The following RALYL variants were observed in gnomAD, a reference collection of about 807,000 sequenced individuals.
The protein encoded by RALYL is RNA-binding Raly-like protein.
In RALYL, 29 loss-of-function variants were observed where a neutral mutation model predicts 35.1. That is an observed-to-expected ratio of 0.83 (90% CI 0.61 to 1.13). The LOEUF (loss-of-function observed/expected upper bound fraction) is 1.13, where lower values mean the gene tolerates loss of function less well. Ranked by LOEUF, RALYL falls within the 50% of genes most tolerant of loss-of-function variation. The pLI, the probability that RALYL is intolerant of heterozygous loss-of-function variation, is 0.00. For synonymous variants in RALYL, 120 were observed against 127.6 expected, an observed-to-expected ratio of 0.94 and a Z score of 0.40; for missense variants, 359 against 360.4, an observed-to-expected ratio of 1.00 and a Z score of 0.03.
intron 1 of RALYL, among the ~76,000 whole-genome samples, chr8:84,418,767 C>A (rs562190509): frequency 2.6e-5 from 4 of 151,580 alleles, no homozygotes; most frequent in Non-Finnish European, 5.9e-5. Flanking sequence ...ACATGCAATA[C>A]CATTAGTTTA....
chr8:84,635,288 C>A (rs903184775), intron 2 of RALYL, among the ~76,000 whole-genome samples: 2 of 151,792 alleles, frequency 1.3e-5, no homozygotes, highest in East Asian at 1.9e-4. Flanking sequence ...CAATTATCTT[C>A]TGCTTTACAT....
At chr8:84,664,890 C>A (rs578169370) in intron 2 of RALYL, among the ~76,000 whole-genome samples, 1 of 152,228 alleles carries the variant, frequency 6.6e-6, no homozygotes, top group Non-Finnish European at 1.5e-5. Flanking sequence ...AAGAAGACAT[C>A]CTTGTCTTTT....
At chr8:84,251,152 G>A (rs1830126559) in intron 1 of RALYL, among the ~76,000 whole-genome samples, 1 of 152,076 alleles carries the variant, frequency 6.6e-6, no homozygotes, top group Admixed American at 6.6e-5. Flanking sequence ...AAATGTAGAT[G>A]GGGAAGGCAT....
intron 1 of RALYL, among the ~76,000 whole-genome samples, chr8:84,194,370 C>G (rs1181499067): frequency 6.6e-6 from 1 of 151,622 alleles, no homozygotes; most frequent in Non-Finnish European, 1.5e-5. Context: ...TTTGTGACTT[C>G]TAGGACTTTA....
At chr8:84,819,259 C>T (rs891685959) in intron 4 of RALYL, among the ~76,000 whole-genome samples, 2 of 152,084 alleles carry the variant, frequency 1.3e-5, no homozygotes, top group African/African-American at 4.8e-5. Context: ...GTTTCCACAG[C>T]GCTATTTTTG....
chr8:84,237,496 T>C (rs781347319), intron 1 of RALYL, among the ~76,000 whole-genome samples: 2 of 152,094 alleles, frequency 1.3e-5, no homozygotes, highest in Non-Finnish European at 2.9e-5. Flanking sequence ...CTGAAAATCA[T>C]ATGACTTACC....
chr8:84,620,641 C>T (rs1420919145), intron 2 of RALYL, among the ~76,000 whole-genome samples: 1 of 152,168 alleles, frequency 6.6e-6, no homozygotes, highest in Non-Finnish European at 1.5e-5. Context: ...TGGTGAGGAA[C>T]TGCATTCCTT....
chr8:84,367,328 T>TTTTTTTTTTTTTTG (rs1854616624), intron 1 of RALYL, among the ~76,000 whole-genome samples: 1 of 24,418 alleles, frequency 4.1e-5, no homozygotes, highest in Non-Finnish European at 6.8e-5. Flanking sequence ...ATTTTTTTTT[T>TTTTTTTTTTTTTTG]TTTTTTTTTT....
intron 2 of RALYL, 65 bp from the exon 3 acceptor site, chr8:84,774,514 T>C: frequency 9.7e-7 from 1 of 1,027,572 alleles, no homozygotes; most frequent in Non-Finnish European, 1.5e-6. Context: ...TAAAAGTTCA[T>C]GATTTACTTT....
intron 1 of RALYL, among the ~76,000 whole-genome samples, chr8:84,470,137 T>A (rs931096231): frequency 1.3e-5 from 2 of 152,190 alleles, no homozygotes; most frequent in Admixed American, 1.3e-4. Flanking sequence ...ACAGGAGCTG[T>A]TCCTATTCGG....
chr8:84,816,051 A>T (rs902331637), intron 4 of RALYL, among the ~76,000 whole-genome samples: 3 of 150,872 alleles, frequency 2.0e-5, no homozygotes, highest in African/African-American at 7.3e-5. Context: ...AAAAAAAAAA[A>T]AGAAAAAAAG....
chr8:84,498,873 TA>T (rs1380618607), intron 1 of RALYL, among the ~76,000 whole-genome samples: 1 of 151,864 alleles, frequency 6.6e-6, no homozygotes, highest in Non-Finnish European at 1.5e-5. Context: ...GAACTAGAAT[TA>T]AAAAAAATCC....
chr8:84,367,862 A>C (rs1854810556), intron 1 of RALYL, among the ~76,000 whole-genome samples: 1 of 152,150 alleles, frequency 6.6e-6, no homozygotes, highest in Non-Finnish European at 1.5e-5. Flanking sequence ...TGGAATTTTA[A>C]AAAGCTATAT....
chr8:84,908,115 C>G (rs1355011057), intron 8 of RALYL, among the ~76,000 whole-genome samples: 1 of 151,960 alleles, frequency 6.6e-6, no homozygotes, highest in East Asian at 1.9e-4. Context: ...TTAAGGGGTA[C>G]AAAGTGATGT....
At chr8:84,846,724 T>G (rs1399165590) in intron 4 of RALYL, among the ~76,000 whole-genome samples, 3 of 152,234 alleles carry the variant, frequency 2.0e-5, no homozygotes, top group Non-Finnish European at 2.9e-5. Flanking sequence ...TTTCAGTTTC[T>G]TCCTGGTTCA....
chr8:84,361,873 G>T (rs1853115925), intron 1 of RALYL, among the ~76,000 whole-genome samples: 1 of 152,180 alleles, frequency 6.6e-6, no homozygotes, highest in African/African-American at 2.4e-5. Context: ...AGGCCGGTTG[G>T]TGTAGTAGAA....
chr8:84,588,371 C>G lies in RALYL; in HGVS notation c.256+58794C>G, dbSNP rs182826840. Among the ~76,000 whole-genome samples the G allele has an allele frequency of 9.6e-4, 146 of 152,256 alleles. 3 individuals are homozygous for G. In the South Asian group the frequency reaches 0.019, roughly 20 times the overall value. ...GTGTTGGCTCACTCAGAGGGCCTAC[C>G]TAATAAGGCAGAAAGAAGCCATAAG... On this transcript the variant is annotated intron_variant, in intron 2 of 8. Transcript: ENST00000521268.
At chr8:84,223,043 C>A (rs535972148) in intron 1 of RALYL, among the ~76,000 whole-genome samples, 1 of 151,854 alleles carries the variant, frequency 6.6e-6, no homozygotes, top group South Asian at 2.1e-4. Context: ...GGAAATGAGT[C>A]TTCTTATCTT....
intron 1 of RALYL, among the ~76,000 whole-genome samples, chr8:84,276,093 A>G (rs1381403143): frequency 1.3e-5 from 2 of 152,204 alleles, no homozygotes; most frequent in Non-Finnish European, 2.9e-5. Flanking sequence ...TTATTGATGT[A>G]TGTATTATAA....
Sources: gnomAD v4.1 joint callset for allele counts (sites outside exome capture counted in the v4.1 genomes callset) on GRCh38, gnomAD v4.1.1 for gene constraint, MANE v1.5 for transcripts, NCBI Gene and HGNC (gene_info 2026-07-23, HGNC 2026-07-21) for gene names.